HNRNPLL: variants seen among roughly 807,000 people sequenced by gnomAD.
The protein encoded by HNRNPLL is heterogeneous nuclear ribonucleoprotein L-like.
A neutral mutation model predicts 67.1 loss-of-function variants in HNRNPLL; 25 were observed. The observed-to-expected ratio is 0.37, with a 90% CI of 0.27 to 0.52. The LOEUF (loss-of-function observed/expected upper bound fraction) is 0.52. HNRNPLL is among the 20% of genes least tolerant of loss of function. HNRNPLL has a pLI of 0.90. For missense variants in HNRNPLL, 542 were observed against 673.9 expected (o/e 0.80, Z 2.17); for synonymous variants, 267 against 241.7 (o/e 1.10, Z -0.97).
chr2:38,578,449 T>C (rs913217836), intron 6 of HNRNPLL, among the ~76,000 whole-genome samples: 5 of 152,090 alleles, frequency 3.3e-5, no homozygotes, highest in African/African-American at 1.2e-4. Context: ...TAAAAATATG[T>C]ATCTCAAGAC....
chr2:38,581,692 G>A (rs1048082733), intron 6 of HNRNPLL: 7 of 546,508 alleles, frequency 1.3e-5, no homozygotes, highest in African/African-American at 3.8e-5. Context: ...CTGAATGTGT[G>A]GGCTCCTTGT....
rs762738033 is a variant in HNRNPLL, at chr2:38,569,337, A to G, written c.1215-3T>C. ...CAACTGAATGTTGTTTAGACACGCT[A>G]AAGATTGTAAAGAAAAGACATACAA... On this transcript the variant is annotated splice_region_variant and splice_polypyrimidine_tract_variant and intron_variant, in intron 9 of 12. Coordinates refer to ENST00000449105, the MANE Select transcript of HNRNPLL (RefSeq NM_138394.4). 11 of 1,591,990 alleles carry G rather than the reference A, an allele frequency of 6.9e-6. No homozygotes were observed. In the South Asian group the frequency reaches 1.2e-4, roughly 18 times the overall value.
chr2:38,587,225 T>C (rs1178868553), intron 2 of HNRNPLL, among the ~76,000 whole-genome samples: 1 of 152,162 alleles, frequency 6.6e-6, no homozygotes, highest in African/African-American at 2.4e-5. Context: ...GCCTGGCAAA[T>C]TATTATTATA....
At chr2:38,594,051 T>C (rs2148381855) in intron 1 of HNRNPLL, among the ~76,000 whole-genome samples, 1 of 151,054 alleles carries the variant, frequency 6.6e-6, no homozygotes, top group Non-Finnish European at 1.5e-5. Context: ...GGCAGGTGCC[T>C]GTAGTACCAG....
intron 8 of HNRNPLL, among the ~76,000 whole-genome samples, chr2:38,571,613 A>G (rs1006765542): frequency 6.6e-6 from 1 of 152,180 alleles, no homozygotes; most frequent in African/African-American, 2.4e-5. Context: ...CTCATGGACA[A>G]AATTCCTCTC....
chr2:38,564,673 A>C (rs1416444098), intron 12 of HNRNPLL, among the ~76,000 whole-genome samples: 6 of 150,244 alleles, frequency 4.0e-5, no homozygotes, highest in Non-Finnish European at 7.4e-5. Context: ...AAAGATTTTT[A>C]TTCATATTTA....
chr2:38,565,983 T>A, intron 12 of HNRNPLL: 2 of 947,728 alleles, frequency 2.1e-6, no homozygotes, highest in Non-Finnish European at 2.5e-6. Flanking sequence ...TTTTTCTCTT[T>A]TTTAAACCAT....
intron 3 of HNRNPLL, among the ~76,000 whole-genome samples, chr2:38,584,874 T>A (rs185189345): frequency 5.3e-4 from 81 of 152,112 alleles, no homozygotes; most frequent in African/African-American, 1.9e-3. Flanking sequence ...GTACCTACAC[T>A]AGATTAGTTA....
At chr2:38,593,064 G>A (rs537726730) in intron 1 of HNRNPLL, among the ~76,000 whole-genome samples, 12 of 152,266 alleles carry the variant, frequency 7.9e-5, no homozygotes, top group African/African-American at 2.4e-4. Context: ...AACTACTCAC[G>A]CTACTGTCAA....
chr2:38,571,563 G>A (rs1048372997), intron 8 of HNRNPLL, among the ~76,000 whole-genome samples: 5 of 152,094 alleles, frequency 3.3e-5, no homozygotes, highest in Middle Eastern at 3.2e-3. Flanking sequence ...AAACTCAGTC[G>A]TAACAGGATT....
intron 2 of HNRNPLL, 35 bp downstream of exon 2, chr2:38,591,495 G>A: frequency 9.3e-7 from 1 of 1,070,354 alleles, no homozygotes; most frequent in Non-Finnish European, 1.5e-6. Flanking sequence ...TTCTACCACA[G>A]TTTTCAATCT....
At position 38,602,823 on chromosome 2, in the gene HNRNPLL, A is replaced by C; in HGVS notation, c.-197T>G. The C allele has an allele frequency of 1.9e-6, 3 of 1,546,512 alleles. No individual in the cohort carries two copies. The highest frequency in any genetic ancestry group is 2.6e-6 in the Non-Finnish European group (3 of 1,145,292). On this transcript the variant is annotated 5_prime_UTR_variant, in exon 1 of 13. Coordinates refer to ENST00000449105, the MANE Select transcript of HNRNPLL (RefSeq NM_138394.4). ...GACGGACTGAGGGGGGCGCCCCGGG[A>C]GGAAGCTCTGGAGCGGCCGCTCCTC...
chr2:38,580,708 T>C (rs1409100733), intron 6 of HNRNPLL, among the ~76,000 whole-genome samples: 1 of 152,234 alleles, frequency 6.6e-6, no homozygotes, highest in Non-Finnish European at 1.5e-5. Flanking sequence ...GCCACACAGT[T>C]AGTTGAACAA....
At chr2:38,597,382 G>C (rs1667238573) in intron 1 of HNRNPLL, among the ~76,000 whole-genome samples, 1 of 152,054 alleles carries the variant, frequency 6.6e-6, no homozygotes, top group Non-Finnish European at 1.5e-5. Flanking sequence ...TATCAATGCA[G>C]TCCCAAGAAT....
chr2:38,578,139 T>C (rs377311696), intron 6 of HNRNPLL: 4 of 390,170 alleles, frequency 1.0e-5, no homozygotes, highest in South Asian at 5.9e-5. Flanking sequence ...TCATTGTCTA[T>C]TGACCATAAC....
intron 1 of HNRNPLL, among the ~76,000 whole-genome samples, chr2:38,593,904 GTGGCTTAC>G (rs1667068812): frequency 6.7e-6 from 1 of 148,728 alleles, no homozygotes; most frequent in African/African-American, 2.5e-5. Context: ...GCCGGGCACA[GTGGCTTAC>G]GCCTGCAATC....
At position 38,568,306 on chromosome 2, in the gene HNRNPLL, A is replaced by C; in HGVS notation, c.1475-9T>G. ...AAGTGTTTTGGCTGAAGCTAAAACA[A>C]AAAAACACAAACTCAGTTATTATTA... On this transcript the variant is annotated splice_polypyrimidine_tract_variant and intron_variant, in intron 11 of 12. Transcript: ENST00000449105. The C allele has an allele frequency of 6.2e-7, 1 of 1,611,634 alleles. No homozygotes were observed.
intron 1 of HNRNPLL, among the ~76,000 whole-genome samples, chr2:38,600,323 G>A (rs1472315420): frequency 6.6e-6 from 1 of 152,094 alleles, no homozygotes; most frequent in Non-Finnish European, 1.5e-5. Flanking sequence ...TTAGCATTAC[G>A]TTAATCACTT....
chr2:38,593,028 G>T (rs908183010), intron 1 of HNRNPLL, among the ~76,000 whole-genome samples: 1 of 152,174 alleles, frequency 6.6e-6, no homozygotes, highest in Non-Finnish European at 1.5e-5. Flanking sequence ...GAAAGGAACT[G>T]ATTTAAATAT....
Sources: gnomAD v4.1 joint callset for allele counts (sites outside exome capture counted in the v4.1 genomes callset) on GRCh38, gnomAD v4.1.1 for gene constraint, MANE v1.5 for transcripts, NCBI Gene and HGNC (gene_info 2026-07-23, HGNC 2026-07-21) for gene names.